BTBD10: variants seen among roughly 807,000 people sequenced by gnomAD.
BTBD10 encodes BTB/POZ domain-containing protein 10.
A neutral mutation model predicts 53.2 loss-of-function variants in BTBD10; 21 were observed. The ratio of observed to expected loss-of-function variants is 0.39; its 90% CI spans 0.28 to 0.57. The LOEUF (loss-of-function observed/expected upper bound fraction) is 0.57, where lower values mean the gene tolerates loss of function less well. BTBD10 is among the 20% of genes least tolerant of loss of function. The pLI is 0.53. For missense variants in BTBD10, 360 were observed against 594.7 expected (o/e 0.61, Z 4.10); for synonymous variants, 149 against 192.7 (o/e 0.77, Z 1.88).
At chr11:13,418,971 C>A (rs1402373026) in intron 4 of BTBD10, among the ~76,000 whole-genome samples, 3 of 125,452 alleles carry the variant, frequency 2.4e-5, no homozygotes, top group Admixed American at 8.2e-5. Context: ...GTTGACATTC[C>A]TTTTTTTTTT....
chr11:13,393,700 T>C (rs1016303120), intron 8 of BTBD10, among the ~76,000 whole-genome samples: 1 of 152,188 alleles, frequency 6.6e-6, no homozygotes, highest in Non-Finnish European at 1.5e-5. Context: ...TCAAGCCCAA[T>C]ATCATAGATT....
intron 2 of BTBD10, among the ~76,000 whole-genome samples, chr11:13,427,900 AG>A (rs1324422738): frequency 1.3e-5 from 2 of 152,166 alleles, no homozygotes; most frequent in Admixed American, 1.3e-4. Context: ...TAAATCAAAA[AG>A]GAAATTAGAA....
At chr11:13,391,412 T>A (rs532226162) in intron 8 of BTBD10, among the ~76,000 whole-genome samples, 1 of 152,210 alleles carries the variant, frequency 6.6e-6, no homozygotes, top group Non-Finnish European at 1.5e-5. Context: ...AGCACTCCCA[T>A]ATGTTAACAA....
intron 2 of BTBD10, among the ~76,000 whole-genome samples, chr11:13,432,701 TAAGAAA>T (rs897691583): frequency 3.9e-5 from 6 of 151,908 alleles, no homozygotes; most frequent in Admixed American, 1.3e-4. Context: ...AATTAAAGAA[TAAGAAA>T]AAGTTCTGAG....
At chr11:13,389,205 T>A in intron 8 of BTBD10, 64 bp from the exon 9 acceptor site, 1 of 1,399,760 alleles carries the variant, frequency 7.1e-7, no homozygotes, top group Non-Finnish European at 9.7e-7. Context: ...CAATTTCGCC[T>A]TAGAAAGCTT....
At chr11:13,422,093 T>C (rs1417462864) in intron 2 of BTBD10, among the ~76,000 whole-genome samples, 3 of 152,190 alleles carry the variant, frequency 2.0e-5, no homozygotes, top group Admixed American at 6.5e-5. Context: ...TTAACTAACA[T>C]ATGAGTTAGT....
rs1359619492 is a variant in BTBD10 at position 13,398,777 on chromosome 11, G to T, written c.1117+4391C>A. Among the ~76,000 whole-genome samples, 6 of 152,114 alleles carry T rather than the reference G, an allele frequency of 3.9e-5. No individual in the cohort carries two copies. In the East Asian group the frequency reaches 7.7e-4, roughly 20 times the overall value. ...TCTCAGCATTTGCTTGTCTGTAAAGGATTTTATTTCTCCTTCACTTATGAA... is the reference window on the plus strand; with the variant it reads ...TCTCAGCATTTGCTTGTCTGTAAAGTATTTTATTTCTCCTTCACTTATGAA... On this transcript the variant is annotated intron_variant, in intron 8 of 8. Transcript: ENST00000278174.
At chr11:13,448,616 T>C in intron 1 of BTBD10, among the ~76,000 whole-genome samples, 2 of 152,082 alleles carry the variant, frequency 1.3e-5, no homozygotes, top group East Asian at 3.9e-4. Context: ...TTTGACTCCT[T>C]CTCTCCCTTT....
Position 13,413,560 on chromosome 11 carries a change from C to G in BTBD10, c.778G>C (p.Glu260Gln). 1.2e-6 allele frequency: 2 copies of G among 1,610,106 alleles called. No individual in the cohort carries two copies. Among genetic ancestry groups the G allele is most frequent in the Non-Finnish European group, 1.7e-6 (2 of 1,177,810 alleles). Residue 260 changes from glutamate to glutamine, a missense_variant, in exon 6 of 9, where the codon GAA becomes CAA. Around this residue, in one of 6 missense-constraint regions of BTBD10, gnomAD observed 91 missense variants for 171.7 expected, o/e 0.53. Transcript: ENST00000278174. ...TCTCTACATTTAATAGTGCTATATT[C>G]AAAAGAGATACAAAGATAGTCACAT... Reference protein sequence around the residue: ...EACDYLCISFEYSTIKCRDLS... With the variant: ...EACDYLCISFQYSTIKCRDLS...
intron 2 of BTBD10, among the ~76,000 whole-genome samples, chr11:13,424,269 T>A (rs1171336453): frequency 6.6e-6 from 1 of 152,006 alleles, no homozygotes; most frequent in Non-Finnish European, 1.5e-5. Flanking sequence ...TCAGTTTGAG[T>A]AAGGGCCAAG....
At chr11:13,421,169 A>G (rs1483683334) in intron 3 of BTBD10, among the ~76,000 whole-genome samples, 1 of 152,212 alleles carries the variant, frequency 6.6e-6, no homozygotes, top group Non-Finnish European at 1.5e-5. Flanking sequence ...AAGGTGAGCT[A>G]GTTACTAACA....
chr11:13,429,147 A>G (rs1352194955), intron 2 of BTBD10, among the ~76,000 whole-genome samples: 2 of 152,174 alleles, frequency 1.3e-5, no homozygotes, highest in Admixed American at 6.5e-5. Flanking sequence ...TGGAAATTAT[A>G]AAACATTACT....
intron 1 of BTBD10, among the ~76,000 whole-genome samples, chr11:13,459,503 C>T (rs934024351): frequency 1.8e-4 from 27 of 152,246 alleles, no homozygotes; most frequent in Admixed American, 1.0e-3. Flanking sequence ...TTTAATAGTT[C>T]TTTCTCCATT....
At chr11:13,412,330 G>A (rs1051292597) in intron 6 of BTBD10, among the ~76,000 whole-genome samples, 1 of 152,056 alleles carries the variant, frequency 6.6e-6, no homozygotes, top group African/African-American at 2.4e-5. Context: ...ATGGGTGCCT[G>A]TAACCCCAGC....
chr11:13,410,128 T>C (rs1949908263), intron 6 of BTBD10, among the ~76,000 whole-genome samples: 1 of 152,056 alleles, frequency 6.6e-6, no homozygotes, highest in Admixed American at 6.5e-5. Flanking sequence ...CAAAACCACC[T>C]GTATCCCAAA....
At chr11:13,405,431 T>C in intron 7 of BTBD10, 1 of 519,810 alleles carries the variant, frequency 1.9e-6, no homozygotes, top group South Asian at 2.2e-5. Context: ...TACAGGGACA[T>C]ATAATAAATA....
At chr11:13,408,325 C>G (rs1053591532) in intron 6 of BTBD10, among the ~76,000 whole-genome samples, 1 of 152,198 alleles carries the variant, frequency 6.6e-6, no homozygotes, top group Non-Finnish European at 1.5e-5. Flanking sequence ...ATTTTCCCCA[C>G]AGCAGCCAAA....
At chr11:13,435,592 A>G (rs1468940218) in intron 2 of BTBD10, among the ~76,000 whole-genome samples, 4 of 152,206 alleles carry the variant, frequency 2.6e-5, no homozygotes, top group Non-Finnish European at 4.4e-5. Context: ...TCCCAGGTTC[A>G]GGCAATTCTC....
intron 2 of BTBD10, among the ~76,000 whole-genome samples, chr11:13,428,074 C>T (rs1393826170): frequency 2.6e-5 from 4 of 151,990 alleles, no homozygotes; most frequent in Non-Finnish European, 5.9e-5. Flanking sequence ...AATTGTTAAA[C>T]CTCTACCCAG....
Sources: gnomAD v4.1 joint callset for allele counts (sites outside exome capture counted in the v4.1 genomes callset) on GRCh38, gnomAD v4.1.1 for gene constraint, gnomAD v4.1.1 regional missense constraint, MANE v1.5 for transcripts, NCBI Gene and HGNC (gene_info 2026-07-23, HGNC 2026-07-21) for gene names.